EYS: variants seen among roughly 807,000 people sequenced by gnomAD.
EYS encodes protein eyes shut homolog.
A neutral mutation model predicts 282.1 loss-of-function variants in EYS; 250 were observed. That is an observed-to-expected ratio of 0.89 (90% CI 0.80 to 0.98). The LOEUF is 0.98. Among genes scored for constraint, EYS ranks in the 50% least tolerant of loss-of-function variants. The pLI is 0.00. For missense variants in EYS, 4,016 were observed against 3,709.0 expected (o/e 1.08, Z -2.15); for synonymous variants, 1,355 against 1,282.9 (o/e 1.06, Z -1.20).
At chr6:64,566,366 A>T (rs1765568093) in intron 26 of EYS, among the ~76,000 whole-genome samples, 1 of 152,236 alleles carries the variant, frequency 6.6e-6, no homozygotes, top group African/African-American at 2.4e-5. Context: ...GTTTACAAAC[A>T]GTGCCTCTGC....
rs115826792 is a variant in EYS at position 64,305,570 on chromosome 6, G to A, written c.6191+1400C>T. On this transcript the variant is annotated intron_variant, in intron 30 of 42. Transcript: ENST00000503581. ...CTAATGGAGTAGAATGAGAAGCCCA[G>A]AAATAAACCCTTATGTATATGATTT... Among the ~76,000 whole-genome samples, 714 of 152,216 alleles carry A rather than the reference G, an allele frequency of 4.7e-3. 5 individuals carry two copies. Among genetic ancestry groups the A allele is most frequent in the African/African-American group, 0.016 (662 of 41,534 alleles).
intron 12 of EYS, among the ~76,000 whole-genome samples, chr6:65,127,211 A>C (rs746388476): frequency 3.3e-5 from 5 of 152,112 alleles, no homozygotes; most frequent in Non-Finnish European, 7.4e-5. Flanking sequence ...AAATACTAAA[A>C]AAATACTAAA....
chr6:64,572,745 C>T (rs1765765955), intron 26 of EYS, among the ~76,000 whole-genome samples: 1 of 151,980 alleles, frequency 6.6e-6, no homozygotes, highest in Non-Finnish European at 1.5e-5. Context: ...AGGAGAAGTA[C>T]AAACCACTGC....
chr6:63,786,328 C>A (rs550446828), intron 39 of EYS: 1 of 151,582 alleles, frequency 6.6e-6, no homozygotes, highest in Non-Finnish European at 1.5e-5. Context: ...AATGTGATAT[C>A]CTTACTCCAA....
At chr6:64,621,960 C>A (rs1483047062) in intron 23 of EYS, among the ~76,000 whole-genome samples, 1 of 152,142 alleles carries the variant, frequency 6.6e-6, no homozygotes, top group Non-Finnish European at 1.5e-5. Context: ...ATACATGGTA[C>A]TATTTCGGCT....
chr6:64,760,842 G>A (rs909908808), intron 22 of EYS, among the ~76,000 whole-genome samples: 3 of 152,112 alleles, frequency 2.0e-5, no homozygotes, highest in Non-Finnish European at 2.9e-5. Context: ...TCAGAGAACT[G>A]GTAAGATGAG....
chr6:65,040,544 T>A (rs1187566235), intron 13 of EYS, among the ~76,000 whole-genome samples: 1 of 151,676 alleles, frequency 6.6e-6, no homozygotes, highest in Admixed American at 6.6e-5. Flanking sequence ...AACATTACAT[T>A]GTGATATGAC....
intron 2 of EYS, among the ~76,000 whole-genome samples, chr6:65,567,021 A>G (rs2127349301): frequency 6.6e-6 from 1 of 152,150 alleles, no homozygotes; most frequent in African/African-American, 2.4e-5. Flanking sequence ...GATGGGGCCA[A>G]ATAAAGGTGC....
chr6:64,676,328 A>ATATC (rs1373798774), intron 22 of EYS, among the ~76,000 whole-genome samples: 1 of 145,594 alleles, frequency 6.9e-6, no homozygotes, highest in Non-Finnish European at 1.5e-5. Flanking sequence ...ATATATATAT[A>ATATC]TCTATATATC....
Position 63,984,387 on chromosome 6 carries a change from T to A in EYS, c.7051A>T (p.Ile2351Phe), listed in dbSNP as rs1270727827. ...HHLCRNNGTC[I>F]SDNENLFCEC... ...AATCAGGAGACTAATACTGACCTGATGCAGGTGCCATTGTTGCGGCACAGA... is the reference window on the plus strand; with the variant it reads ...AATCAGGAGACTAATACTGACCTGAAGCAGGTGCCATTGTTGCGGCACAGA... Residue 2351 changes from isoleucine to phenylalanine, a missense_variant, in exon 35 of 43, where the codon ATC becomes TTC. Coordinates refer to ENST00000503581, the MANE Select transcript of EYS (RefSeq NM_001142800.2). 1 of 1,546,256 alleles carries A rather than the reference T, an allele frequency of 6.5e-7. No individual in the cohort carries two copies. The highest frequency in any genetic ancestry group is 1.2e-5 in the South Asian group (1 of 83,962).
intron 12 of EYS, among the ~76,000 whole-genome samples, chr6:65,196,150 C>T (rs13210851): frequency 0.039 from 5,870 of 151,968 alleles, 158 homozygotes; most frequent in Middle Eastern, 0.085. Context: ...TAATTTTGTT[C>T]ACCCATAAAG....
At chr6:64,044,736 T>A (rs1372632964) in intron 33 of EYS, among the ~76,000 whole-genome samples, 1 of 152,220 alleles carries the variant, frequency 6.6e-6, no homozygotes, top group African/African-American at 2.4e-5. Flanking sequence ...GATTTTTTTT[T>A]ACTTTAAAAA....
intron 33 of EYS, among the ~76,000 whole-genome samples, chr6:64,023,902 C>A (rs1459320792): frequency 6.6e-6 from 1 of 152,228 alleles, no homozygotes; most frequent in East Asian, 1.9e-4. Flanking sequence ...GCCCAGGGCA[C>A]CGAGGGGCTT....
In EYS at chr6:65,000,590, G is replaced by T. The variant is rs186999272; in HGVS notation, c.2138-2887C>A. On this transcript the variant is annotated intron_variant, in intron 13 of 42. Coordinates refer to ENST00000503581, the MANE Select transcript of EYS (RefSeq NM_001142800.2). ...AGTTCAAGACCAGCCTGATCAACAT[G>T]GTGAAACCCCATCGCTACTAAAAAT... Among the ~76,000 whole-genome samples, 13 of 152,174 alleles carry T rather than the reference G, an allele frequency of 8.5e-5. No homozygotes were observed. In the East Asian group the frequency reaches 2.5e-3, roughly 30 times the overall value.
chr6:64,908,137 G>A (rs576152953), intron 16 of EYS, among the ~76,000 whole-genome samples: 1 of 152,268 alleles, frequency 6.6e-6, no homozygotes, highest in African/African-American at 2.4e-5. Flanking sequence ...TTCTCAGCCC[G>A]TTTGGCAGAC....
chr6:65,212,687 G>A (rs2150253113), intron 12 of EYS, among the ~76,000 whole-genome samples: 1 of 152,212 alleles, frequency 6.6e-6, no homozygotes, highest in Non-Finnish European at 1.5e-5. Flanking sequence ...AGACAGTGCT[G>A]TTCTAAGAAA....
intron 22 of EYS, among the ~76,000 whole-genome samples, chr6:64,805,713 T>C (rs1192632307): frequency 6.6e-6 from 1 of 151,038 alleles, no homozygotes. Flanking sequence ...TAATATTTAT[T>C]TAGTAAAATT....
chr6:64,868,721 G>A (rs757130557), intron 19 of EYS, among the ~76,000 whole-genome samples: 1 of 151,432 alleles, frequency 6.6e-6, no homozygotes, highest in African/African-American at 2.4e-5. Flanking sequence ...TATTTTCTAG[G>A]AAGATTAAAC....
At chr6:64,480,575 A>G (rs1399151030) in intron 26 of EYS, among the ~76,000 whole-genome samples, 1 of 151,892 alleles carries the variant, frequency 6.6e-6, no homozygotes, top group Non-Finnish European at 1.5e-5. Flanking sequence ...CATAAAATAT[A>G]TTCCAGAATT....
Sources: allele counts gnomAD v4.1 joint callset (sites outside exome capture counted in the v4.1 genomes callset), GRCh38; gene constraint gnomAD v4.1.1; transcripts MANE v1.5; gene names NCBI Gene and HGNC (gene_info 2026-07-23, HGNC 2026-07-21).